Variants in MEF2A observed in about 807,000 individuals in gnomAD.
MEF2A encodes myocyte enhancer factor 2A, also known as myocyte-specific enhancer factor 2A.
In MEF2A, 28 loss-of-function variants were observed where a neutral mutation model predicts 55.8. The ratio of observed to expected loss-of-function variants is 0.50; its 90% CI spans 0.37 to 0.69. MEF2A has a LOEUF of 0.69. Among genes scored for constraint, MEF2A ranks in the 30% least tolerant of loss-of-function variants. MEF2A has a pLI of 0.00. For synonymous variants in MEF2A, 239 were observed against 227.1 expected (o/e 1.05, Z -0.47); for missense variants, 528 against 626.2 (o/e 0.84, Z 1.67).
chr15:99,697,332 GA>G (rs1171462087), intron 8 of MEF2A, among the ~76,000 whole-genome samples: 1 of 151,694 alleles, frequency 6.6e-6, no homozygotes, highest in East Asian at 1.9e-4. Context: ...CTTTCATGTA[GA>G]AAAGTGTAAA....
At chr15:99,698,028 A>C (rs2056768909) in intron 8 of MEF2A, among the ~76,000 whole-genome samples, 1 of 152,184 alleles carries the variant, frequency 6.6e-6, no homozygotes, top group South Asian at 2.1e-4. Context: ...TCCATACACA[A>C]AACAAAAACA....
chr15:99,647,644 A>G (rs575881013), intron 4 of MEF2A, among the ~76,000 whole-genome samples: 1 of 152,182 alleles, frequency 6.6e-6, no homozygotes, highest in Admixed American at 6.5e-5. Flanking sequence ...TTTTTTAAGC[A>G]GTCTCCTATA....
chr15:99,706,935 A>T, intron 10 of MEF2A, 80 bp downstream of exon 10: 1 of 1,459,774 alleles, frequency 6.9e-7, no homozygotes, highest in Non-Finnish European at 9.2e-7. Context: ...ATTTTTTTTA[A>T]GTATATTTAT....
chr15:99,598,814 T>G (rs1405500363), intron 2 of MEF2A, among the ~76,000 whole-genome samples: 1 of 151,860 alleles, frequency 6.6e-6, no homozygotes, highest in Non-Finnish European at 1.5e-5. Flanking sequence ...GAAAAAAAAT[T>G]AAGTAGGTAG....
intron 4 of MEF2A, among the ~76,000 whole-genome samples, chr15:99,662,096 G>C (rs910225603): frequency 1.3e-5 from 2 of 152,114 alleles, no homozygotes; most frequent in African/African-American, 4.8e-5. Flanking sequence ...TATATATGTG[G>C]TAAATGTATA....
intron 4 of MEF2A, among the ~76,000 whole-genome samples, chr15:99,647,795 A>G (rs1415531881): frequency 6.6e-6 from 1 of 152,234 alleles, no homozygotes; most frequent in Non-Finnish European, 1.5e-5. Context: ...TCTAAATTAT[A>G]TAAATACAGT....
chr15:99,570,913 G>A (rs372889369), intron 1 of MEF2A, among the ~76,000 whole-genome samples: 8 of 152,102 alleles, frequency 5.3e-5, no homozygotes, highest in East Asian at 3.9e-4. Flanking sequence ...GGCTGGGCGC[G>A]GTGGCTCATG....
intron 2 of MEF2A, among the ~76,000 whole-genome samples, chr15:99,618,260 A>G (rs549684856): frequency 3.9e-5 from 6 of 152,314 alleles, no homozygotes; most frequent in African/African-American, 9.6e-5. Context: ...GGCTGGAACA[A>G]TCCTAAACTG....
intron 3 of MEF2A, 95 bp from the exon 4 acceptor site, chr15:99,645,466 C>A: frequency 1.1e-6 from 1 of 895,504 alleles, no homozygotes; most frequent in South Asian, 1.8e-5. Context: ...TCTTTGAAAT[C>A]TGGCTCAGTA....
At chr15:99,684,089 A>G (rs998165704) in intron 7 of MEF2A, among the ~76,000 whole-genome samples, 1 of 152,066 alleles carries the variant, frequency 6.6e-6, no homozygotes, top group African/African-American at 2.4e-5. Flanking sequence ...ATATGTATAT[A>G]TATATATTAC....
chr15:99,703,525 C>A, intron 9 of MEF2A, 140 bp downstream of exon 9: 2 of 635,582 alleles, frequency 3.1e-6, no homozygotes, highest in Non-Finnish European at 2.6e-6. Flanking sequence ...ATAAAGCAAT[C>A]TACTGGTACT....
chr15:99,712,854 T>C lies in MEF2A; in HGVS notation c.*83T>C, dbSNP rs916149973. On this transcript the variant is annotated 3_prime_UTR_variant, in exon 12 of 12. Coordinates refer to ENST00000557942, the MANE Select transcript of MEF2A (RefSeq NM_001319206.4). The surrounding 1 kb of genome is among the most constrained non-coding windows in gnomAD (Gnocchi z 4.1). Reference sequence around the variant, plus strand: ...TAAATCGGTAAATAAGGACATGAGTTAAATATATTTATATGTACATACATA... The same window carrying C: ...TAAATCGGTAAATAAGGACATGAGTCAAATATATTTATATGTACATACATA... 7.3e-7 allele frequency: 1 copy of C among 1,364,388 alleles called. No individual in the cohort carries two copies. Among genetic ancestry groups the C allele is most frequent in the Non-Finnish European group, 1.0e-6 (1 of 1,003,766 alleles). 84.5% of individuals were successfully genotyped at this position (1,364,388 alleles called of 1,614,324 possible). A position where few individuals can be genotyped will look rare whatever the true frequency, so the allele number is the denominator to read the frequency against.
intron 1 of MEF2A, among the ~76,000 whole-genome samples, chr15:99,581,854 G>T (rs747487801): frequency 9.2e-5 from 14 of 151,994 alleles, no homozygotes; most frequent in Non-Finnish European, 1.5e-4. Flanking sequence ...CATTTGAACT[G>T]GATATCAAGT....
At chr15:99,609,469 C>A (rs953148509) in intron 2 of MEF2A, among the ~76,000 whole-genome samples, 6 of 152,132 alleles carry the variant, frequency 3.9e-5, no homozygotes, top group Admixed American at 6.5e-5. Context: ...ATTCAAAGTA[C>A]AGTTTATGTT....
In MEF2A at chr15:99,669,147, G is replaced by T. The variant is rs1469902094; in HGVS notation, c.259-2176G>T. Among the ~76,000 whole-genome samples the T allele has an allele frequency of 8.5e-5, 13 of 152,190 alleles. No individual in the cohort carries two copies. In the South Asian group the frequency reaches 1.9e-3, roughly 22 times the overall value. The stretch of plus-strand genomic sequence containing the variant: ...TTTTTTCTCTGGCAATTAAAATGTG[G>T]TCAAAGAGATATATACTTGGTGATT... On this transcript the variant is annotated intron_variant, in intron 4 of 11. Coordinates refer to ENST00000557942, the MANE Select transcript of MEF2A (RefSeq NM_001319206.4).
At position 99,710,726 on chromosome 15, in the gene MEF2A, C is replaced by G; in HGVS notation, c.1102C>G (p.His368Asp). 1 of 1,612,970 alleles carries G rather than the reference C, an allele frequency of 6.2e-7. No individual in the cohort carries two copies. The highest frequency in any genetic ancestry group is 2.2e-5 in the East Asian group (1 of 44,838). ...GGGACAGGTGTCGGCCTGGCAGCAGCACCACCTAGGACAAGCAGCCCTCAG... is the reference window on the plus strand; with the variant it reads ...GGGACAGGTGTCGGCCTGGCAGCAGGACCACCTAGGACAAGCAGCCCTCAG... Reference protein sequence around the residue: ...SLGQVSAWQQHHLGQAALSSL... With the variant: ...SLGQVSAWQQDHLGQAALSSL... The change falls in exon 11 of 12, where the codon CAC (histidine) becomes GAC (aspartate). Residue 368 changes from histidine (H) to aspartate (D), a missense_variant. His to Asp is a moderately conservative substitution (Grantham distance 81, BLOSUM62 -1). Around this residue, in one of 2 missense-constraint regions of MEF2A, gnomAD observed 450 missense variants for 475.3 expected, o/e 0.95. Coordinates refer to ENST00000557942, the MANE Select transcript of MEF2A (RefSeq NM_001319206.4).
rs574892306 is a variant in MEF2A at position 99,621,427 on chromosome 15, C to G, written c.-142-11551C>G. Among the ~76,000 whole-genome samples, 111 of 152,080 alleles carry G rather than the reference C, an allele frequency of 7.3e-4. 1 individual carries two copies. In the South Asian group the frequency reaches 0.023, roughly 31 times the overall value. ...AGTAGAATGGATTTTTCAGGGGAAG[C>G]TGAAATTCATTTCTTTTTGAAATAC... is the stretch of plus-strand genomic sequence containing the variant. On this transcript the variant is annotated intron_variant, in intron 2 of 11. Coordinates refer to ENST00000557942, the MANE Select transcript of MEF2A (RefSeq NM_001319206.4).
At chr15:99,692,188 C>G (rs2055611877) in intron 8 of MEF2A, among the ~76,000 whole-genome samples, 1 of 152,152 alleles carries the variant, frequency 6.6e-6, no homozygotes, top group Non-Finnish European at 1.5e-5. Context: ...TATATTGTCT[C>G]ATTTAATTCT....
intron 3 of MEF2A, among the ~76,000 whole-genome samples, chr15:99,635,081 T>C (rs1218416010): frequency 6.6e-6 from 1 of 152,142 alleles, no homozygotes; most frequent in Non-Finnish European, 1.5e-5. Context: ...ATATATACTA[T>C]ATCCCAAGAG....
Sources: gnomAD v4.1 joint callset for allele counts (sites outside exome capture counted in the v4.1 genomes callset) on GRCh38, gnomAD v4.1.1 for gene constraint, gnomAD v4.1.1 regional missense constraint, Gnocchi (gnomAD v3.1) non-coding constraint, MANE v1.5 for transcripts, NCBI Gene and HGNC (gene_info 2026-07-23, HGNC 2026-07-21) for gene names.